SYNDIG1L: variants seen among roughly 807,000 people sequenced by gnomAD.
The protein encoded by SYNDIG1L is synapse differentiation-inducing gene protein 1-like.
SYNDIG1L carries 13 observed loss-of-function variants against 20.1 expected under a neutral mutation model. That is an observed-to-expected ratio of 0.65 (90% CI 0.42 to 1.03). The LOEUF (loss-of-function observed/expected upper bound fraction) is 1.03. SYNDIG1L is among the 50% of genes least tolerant of loss of function. SYNDIG1L has a pLI of 0.00. For synonymous variants in SYNDIG1L, 128 were observed against 129.3 expected (o/e 0.99, Z 0.07); for missense variants, 294 against 305.1 (o/e 0.96, Z 0.27).
chr14:74,420,997 A>G (rs1347480378), intron 1 of SYNDIG1L, among the ~76,000 whole-genome samples: 1 of 152,228 alleles, frequency 6.6e-6, no homozygotes, highest in Non-Finnish European at 1.5e-5. Context: ...ATGGACAACA[A>G]AAGATAATAA....
At chr14:74,453,843 G>A in the SYNDIG1L span, among the ~76,000 whole-genome samples, 729 of 152,184 alleles carry the variant, frequency 4.8e-3, 7 homozygotes, top group African/African-American at 0.017. Flanking sequence ...GTGCACACCT[G>A]TAATCCCAGC....
At chr14:74,444,294 A>T in the SYNDIG1L span, among the ~76,000 whole-genome samples, 1 of 151,956 alleles carries the variant, frequency 6.6e-6, no homozygotes, top group Admixed American at 6.6e-5. Context: ...TCCTGACCTC[A>T]GGTGATCTGC....
At chr14:74,460,246 C>T in the SYNDIG1L span, among the ~76,000 whole-genome samples, 1 of 152,206 alleles carries the variant, frequency 6.6e-6, no homozygotes, top group African/African-American at 2.4e-5. Context: ...ACCTACTCTA[C>T]ACTCTGTTCT....
rs377156849 is a variant in SYNDIG1L at position 74,407,892 on chromosome 14, C to G, written c.515G>C (p.Cys172Ser). ...LGLTLFSMLC[C>S]FWPLGIAAFY... ...GGCAGCAATGCCCAGTGGCCAGAAG[C>G]AGCAGAGCATGGAGAAGAGAGTAAG... Residue 172 changes from cysteine (C) to serine (S), a missense_variant, in exon 3 of 4, where the codon TGC (cysteine) becomes TCC (serine). Cys to Ser is a moderately radical substitution (Grantham distance 112). Transcript: ENST00000331628. The G allele has an allele frequency of 5.6e-6, 9 of 1,614,012 alleles. No individual in the cohort carries two copies. The highest frequency in any genetic ancestry group is 7.6e-6 in the Non-Finnish European group (9 of 1,179,928).
At chr14:74,461,120 C>T in the SYNDIG1L span, among the ~76,000 whole-genome samples, 1 of 150,510 alleles carries the variant, frequency 6.6e-6, no homozygotes, top group Non-Finnish European at 1.5e-5. Context: ...CTGCAGAGAC[C>T]GAGGGGACTA....
intron 1 of SYNDIG1L, among the ~76,000 whole-genome samples, chr14:74,414,399 GC>G (rs1814640110): frequency 6.6e-6 from 1 of 152,166 alleles, no homozygotes; most frequent in Non-Finnish European, 1.5e-5. Flanking sequence ...TGGCTCTGAG[GC>G]CGCAGCACCC....
At chr14:74,410,918 G>A (rs7142620) in intron 1 of SYNDIG1L, among the ~76,000 whole-genome samples, 68,393 of 151,954 alleles carry the variant, frequency 0.45, 15,718 homozygotes, top group Non-Finnish European at 0.5. Flanking sequence ...TGCACATCCC[G>A]TTTGGAAGTA....
the SYNDIG1L span, among the ~76,000 whole-genome samples, chr14:74,438,252 C>T: frequency 6.6e-6 from 1 of 152,182 alleles, no homozygotes; most frequent in Non-Finnish European, 1.5e-5. Context: ...GGGTCTTCCT[C>T]TTAATGAGTT....
intron 1 of SYNDIG1L, among the ~76,000 whole-genome samples, chr14:74,417,449 C>T (rs187531131): frequency 1.3e-5 from 2 of 152,370 alleles, no homozygotes; most frequent in Admixed American, 1.3e-4. Flanking sequence ...AGTTGGCTCA[C>T]ACCCTAGGAT....
the SYNDIG1L span, among the ~76,000 whole-genome samples, chr14:74,433,728 C>T: frequency 5.3e-5 from 8 of 152,130 alleles, no homozygotes; most frequent in Non-Finnish European, 1.2e-4. Context: ...GTACCATTAT[C>T]ATCCCTATTA....
chr14:74,411,942 C>A (rs1225651825), intron 1 of SYNDIG1L, among the ~76,000 whole-genome samples: 2 of 152,190 alleles, frequency 1.3e-5, no homozygotes, highest in African/African-American at 4.8e-5. Context: ...TGCTGGGCTG[C>A]CATGGGCCTG....
chr14:74,419,983 G>A (rs2086208673), intron 1 of SYNDIG1L, among the ~76,000 whole-genome samples: 1 of 152,142 alleles, frequency 6.6e-6, no homozygotes, highest in African/African-American at 2.4e-5. Flanking sequence ...GTGTAGCAGG[G>A]AAGTTCTATG....
the SYNDIG1L span, among the ~76,000 whole-genome samples, chr14:74,448,290 G>T: frequency 1.9e-3 from 286 of 152,178 alleles, 1 homozygote; most frequent in African/African-American, 6.5e-3. Flanking sequence ...GGCACATATA[G>T]GTTAAAAGCA....
the SYNDIG1L span, among the ~76,000 whole-genome samples, chr14:74,471,226 C>T: frequency 4.6e-5 from 7 of 152,154 alleles, no homozygotes; most frequent in African/African-American, 1.2e-4. Context: ...TTGATCCTCT[C>T]GATCCTCTGC....
chr14:74,439,578 G>C, the SYNDIG1L span, among the ~76,000 whole-genome samples: 3 of 152,078 alleles, frequency 2.0e-5, no homozygotes, highest in Non-Finnish European at 2.9e-5. Context: ...ATATTGTTCA[G>C]CTTAAAAAAT....
chr14:74,434,142 G>A, the SYNDIG1L span, among the ~76,000 whole-genome samples: 1 of 152,166 alleles, frequency 6.6e-6, no homozygotes, highest in Admixed American at 6.5e-5. Flanking sequence ...GTCCCTTGAT[G>A]GAGGTAACTT....
chr14:74,448,142 G>A, the SYNDIG1L span, among the ~76,000 whole-genome samples: 2 of 152,032 alleles, frequency 1.3e-5, no homozygotes, highest in Non-Finnish European at 2.9e-5. Context: ...TAGGATGATA[G>A]CTTAAACCTA....
chr14:74,408,777 TG>T (rs1215878543), intron 2 of SYNDIG1L, among the ~76,000 whole-genome samples: 1 of 151,940 alleles, frequency 6.6e-6, no homozygotes, highest in Non-Finnish European at 1.5e-5. Flanking sequence ...TTCTGGGGAG[TG>T]GGCTGGGGGA....
At chr14:74,418,309 G>A (rs368079842) in intron 1 of SYNDIG1L, among the ~76,000 whole-genome samples, 8 of 152,280 alleles carry the variant, frequency 5.3e-5, no homozygotes, top group African/African-American at 1.7e-4. Context: ...CGAGGGGGGC[G>A]AGGTTGGCAG....
Sources: gnomAD v4.1 joint callset for allele counts (sites outside exome capture counted in the v4.1 genomes callset) on GRCh38, gnomAD v4.1.1 for gene constraint, MANE v1.5 for transcripts, NCBI Gene and HGNC (gene_info 2026-07-23, HGNC 2026-07-21) for gene names.